FRY: variants seen among roughly 807,000 people sequenced by gnomAD.
FRY encodes FRY microtubule binding protein, also known as protein furry homolog.
Under a neutral mutation model 348.4 loss-of-function variants are expected in FRY, and 128 were observed. That is an observed-to-expected ratio of 0.37 (90% CI 0.32 to 0.43). The LOEUF (loss-of-function observed/expected upper bound fraction) is 0.43, where lower values mean the gene tolerates loss of function less well. Ranked by LOEUF, FRY falls within the 20% of genes least tolerant of loss-of-function variation. The pLI, the probability that FRY is intolerant of heterozygous loss-of-function variation, is 1.00. For missense variants in FRY, 2,736 were observed against 3,695.2 expected, an observed-to-expected ratio of 0.74 and a Z score of 6.73; for synonymous variants, 1,370 against 1,374.7, an observed-to-expected ratio of 1.00 and a Z score of 0.08.
intron 11 of FRY, among the ~76,000 whole-genome samples, chr13:32,141,361 T>G (rs7320363): frequency 0.74 from 112,988 of 152,128 alleles, 42,815 homozygotes; most frequent in East Asian, 0.9. Flanking sequence ...CAAAAAGATG[T>G]AAAGTATTGC....
rs746317905 is a variant in FRY at position 32,124,910 on chromosome 13, G to C, written c.716+35G>C. The C allele has an allele frequency of 6.2e-6, 9 of 1,457,038 alleles. No individual in the cohort carries two copies. The African/African-American group carries it at 6.9e-5, about 11-fold the overall frequency. 90.3% of individuals were successfully genotyped at this position (1,457,038 alleles called of 1,614,324 possible). ...TGCCAGAACCCTTTACCATGAGAACGTGCGTGCTTTCACTGTCCTTCCAGC... is the reference window on the plus strand; with the variant it reads ...TGCCAGAACCCTTTACCATGAGAACCTGCGTGCTTTCACTGTCCTTCCAGC... On this transcript the variant is annotated intron_variant, in intron 7 of 60. Transcript: ENST00000542859.
chr13:32,202,244 A>C, intron 30 of FRY, 112 bp from the exon 31 acceptor site: 3 of 906,886 alleles, frequency 3.3e-6, no homozygotes, highest in Non-Finnish European at 3.6e-6. Flanking sequence ...TTCTATTTTT[A>C]AATGGGAATT....
chr13:32,256,702 C>G (rs1887358849), intron 51 of FRY, among the ~76,000 whole-genome samples: 1 of 152,210 alleles, frequency 6.6e-6, no homozygotes, highest in African/African-American at 2.4e-5. Context: ...CTTCAGAGTC[C>G]AACAGCTCCA....
chr13:32,239,650 C>T lies in FRY; in HGVS notation c.6517-61C>T. ...ATGGCCAGAGCTTATAGTAAAATTG[C>T]TAACATTTCTTCCTATTCATTGGGC... On this transcript the variant is annotated intron_variant, in intron 45 of 60. Coordinates refer to ENST00000542859, the MANE Select transcript of FRY (RefSeq NM_023037.3). This position sits in a 1 kb window ranked among gnomAD's most constrained non-coding sequence, Gnocchi z 4.3. 1.7e-6 allele frequency: 2 copies of T among 1,208,030 alleles called. No homozygotes were observed. The highest frequency in any genetic ancestry group is 2.4e-6 in the Non-Finnish European group (2 of 819,824). The allele number at this position is 1,208,030 out of a possible 1,614,324, so 74.8% of individuals were successfully genotyped here.
In FRY at chr13:32,169,431, C is replaced by T. The variant is rs570957928; in HGVS notation, c.1893-1581C>T. On this transcript the variant is annotated intron_variant, in intron 17 of 60. Transcript: ENST00000542859. ...CACATGGATCATTCAGTGACCCTCA[C>T]GACAGGTTTATGGAATGCAGTTACA... Among the ~76,000 whole-genome samples the T allele has an allele frequency of 2.6e-5, 4 of 152,320 alleles. No homozygotes were observed. The South Asian group carries it at 6.2e-4, about 24-fold the overall frequency.
chr13:32,116,970 T>G (rs1878340008), intron 3 of FRY, among the ~76,000 whole-genome samples: 1 of 152,158 alleles, frequency 6.6e-6, no homozygotes, highest in Non-Finnish European at 1.5e-5. Context: ...ATTCATATAT[T>G]TATACAACAA....
chr13:32,146,846 T>C (rs933652450), intron 11 of FRY, among the ~76,000 whole-genome samples: 3 of 152,134 alleles, frequency 2.0e-5, no homozygotes, highest in African/African-American at 7.2e-5. Context: ...TTAGTCTCAA[T>C]AAATATTGGA....
At chr13:32,251,028 G>A (rs1214978367) in intron 49 of FRY, among the ~76,000 whole-genome samples, 1 of 152,200 alleles carries the variant, frequency 6.6e-6, no homozygotes, top group Non-Finnish European at 1.5e-5. Context: ...TGGAAAGAAG[G>A]ATGCAGTGAA....
At chr13:32,121,867 G>C (rs1197626928) in intron 4 of FRY, among the ~76,000 whole-genome samples, 1 of 152,148 alleles carries the variant, frequency 6.6e-6, no homozygotes, top group Non-Finnish European at 1.5e-5. Context: ...TCAGTGTCTA[G>C]AAGGGTTTTT....
At chr13:32,254,044 A>G in intron 50 of FRY, 180 bp from the exon 51 acceptor site, 1 of 646,384 alleles carries the variant, frequency 1.5e-6, no homozygotes, top group Non-Finnish European at 2.8e-6. Context: ...CGTCTTTGCC[A>G]CGAGTTTAAT....
chr13:32,186,704 G>C lies in FRY; in HGVS notation c.3480+284G>C, dbSNP rs910094128. On this transcript the variant is annotated intron_variant, in intron 27 of 60. Transcript: ENST00000542859. The stretch of plus-strand genomic sequence containing the variant: ...TTTCAACCTAAAAAAGAAAAAAATA[G>C]ACATCACCTCAGGTTCAAAATCTAC... Among the ~76,000 whole-genome samples, 47 of 152,160 alleles carry C rather than the reference G, an allele frequency of 3.1e-4. 2 individuals are homozygous for C. Among genetic ancestry groups the C allele is most frequent in the Non-Finnish European group, 2.1e-4 (14 of 67,974 alleles).
At position 32,124,380 on chromosome 13, in the gene FRY, G is replaced by A. The variant is rs765295905; in HGVS notation, c.555+4G>A. 2.0e-4 allele frequency: 287 copies of A among 1,410,096 alleles called. 1 individual carries two copies. The highest frequency in any genetic ancestry group is 2.7e-4 in the Non-Finnish European group (273 of 996,624). The allele number at this position is 1,410,096 out of a possible 1,614,324, so 87.3% of individuals were successfully genotyped here. A position where few individuals can be genotyped will look rare whatever the true frequency, so the allele number is the denominator to read the frequency against. The stretch of plus-strand genomic sequence containing the variant: ...ATTAATAGAAGTTTTGAAACAGGTA[G>A]GTGATTAATTTATTGTTACTTTTAG... On this transcript the variant is annotated splice_donor_region_variant and intron_variant, in intron 5 of 60. Transcript: ENST00000542859.
rs58436206 is a variant in FRY, at chr13:32,261,604, G to A, written c.7417-12G>A. ...TTTTGGCATAAAAAACCGGCTGATGGTGTGATTTCAGGGTGAGAGTATGGA... is the reference window on the plus strand; with the variant it reads ...TTTTGGCATAAAAAACCGGCTGATGATGTGATTTCAGGGTGAGAGTATGGA... On this transcript the variant is annotated splice_polypyrimidine_tract_variant and intron_variant, in intron 51 of 60. Coordinates refer to ENST00000542859, the MANE Select transcript of FRY (RefSeq NM_023037.3). 8.8e-4 allele frequency: 1,418 copies of A among 1,612,872 alleles called. 10 individuals are homozygous for A. In the African/African-American group the frequency reaches 0.017, roughly 20 times the overall value.
At chr13:32,041,358 A>G (rs1007633893) in intron 1 of FRY, among the ~76,000 whole-genome samples, 3 of 135,394 alleles carry the variant, frequency 2.2e-5, no homozygotes, top group Non-Finnish European at 1.5e-5. Flanking sequence ...CAGTGGTGCA[A>G]TCTGGGCTCA....
At chr13:32,047,056 T>TAG (rs796253351) in intron 1 of FRY, among the ~76,000 whole-genome samples, 6 of 151,518 alleles carry the variant, frequency 4.0e-5, no homozygotes, top group Non-Finnish European at 8.8e-5. Context: ...TATGTATATA[T>TAG]AGAGAGAGAG....
chr13:32,135,883 G>T (rs968546636), intron 10 of FRY, among the ~76,000 whole-genome samples: 1 of 152,106 alleles, frequency 6.6e-6, no homozygotes, highest in Non-Finnish European at 1.5e-5. Flanking sequence ...AGGTACTTAG[G>T]GTTGCTTTGC....
At chr13:32,216,079 T>C (rs1013800200) in intron 35 of FRY, among the ~76,000 whole-genome samples, 1 of 152,196 alleles carries the variant, frequency 6.6e-6, no homozygotes, top group African/African-American at 2.4e-5. Context: ...TATTATTAAT[T>C]TGAGCTAAAT....
intron 23 of FRY, among the ~76,000 whole-genome samples, chr13:32,180,092 T>C (rs1351281879): frequency 6.6e-6 from 1 of 152,234 alleles, no homozygotes; most frequent in Non-Finnish European, 1.5e-5. Flanking sequence ...TCAATCCCAG[T>C]TGGCCAGACT....
chr13:32,239,949 G>A lies in FRY; in HGVS notation c.6687+68G>A. ...GTTGCCCAGGCTGATCTCAACTCTT[G>A]GGCTCAAGCAGTCCTCCTGCCTTCG... On this transcript the variant is annotated intron_variant, in intron 46 of 60. Coordinates refer to ENST00000542859, the MANE Select transcript of FRY (RefSeq NM_023037.3). This position sits in a 1 kb window ranked among gnomAD's most constrained non-coding sequence, Gnocchi z 4.3. The A allele has an allele frequency of 7.1e-7, 1 of 1,408,420 alleles. No homozygotes were observed. Among genetic ancestry groups the A allele is most frequent in the Non-Finnish European group, 9.9e-7 (1 of 1,013,672 alleles). 87.2% of individuals were successfully genotyped at this position (1,408,420 alleles called of 1,614,324 possible). A position where few individuals can be genotyped will look rare whatever the true frequency, so the allele number is the denominator to read the frequency against.
Sources: allele counts gnomAD v4.1 joint callset (sites outside exome capture counted in the v4.1 genomes callset), GRCh38; gene constraint gnomAD v4.1.1; non-coding constraint Gnocchi (gnomAD v3.1); transcripts MANE v1.5; gene names NCBI Gene and HGNC (gene_info 2026-07-23, HGNC 2026-07-21).